LOC128462377: variants seen among roughly 807,000 people sequenced by gnomAD.
the LOC128462377 span, among the ~76,000 whole-genome samples, chr16:89,362,453 G>T: frequency 3.3e-5 from 5 of 152,198 alleles, no homozygotes; most frequent in African/African-American, 1.2e-4. Context: ...GAAGTGAACA[G>T]CACTGAAGCC....
chr16:89,402,808 G>A, the LOC128462377 span, among the ~76,000 whole-genome samples: 8 of 140,882 alleles, frequency 5.7e-5, no homozygotes, highest in South Asian at 2.5e-4. Flanking sequence ...GGGGTTCTGC[G>A]GAATGAGGTT....
chr16:89,327,430 G>C, the LOC128462377 span, among the ~76,000 whole-genome samples: 16 of 152,150 alleles, frequency 1.1e-4, no homozygotes, highest in Admixed American at 2.6e-4. Context: ...GAATAAAACT[G>C]TCTCTCTCTG....
the LOC128462377 span, among the ~76,000 whole-genome samples, chr16:89,408,359 G>A: frequency 5.9e-4 from 90 of 152,252 alleles, 2 homozygotes; most frequent in Admixed American, 5.9e-3. Flanking sequence ...AAACCACCAG[G>A]TTTGATGCAC....
chr16:89,395,346 C>T, the LOC128462377 span, among the ~76,000 whole-genome samples: 152 of 152,318 alleles, frequency 1.0e-3, 1 homozygote, highest in African/African-American at 3.5e-3. Flanking sequence ...GGAACCCTGA[C>T]GGCAAGCTGT....
the LOC128462377 span, among the ~76,000 whole-genome samples, chr16:89,349,112 A>G: frequency 1.5e-5 from 2 of 130,110 alleles, no homozygotes; most frequent in African/African-American, 5.7e-5. Flanking sequence ...TGGGGGACAG[A>G]GTAAAACACT....
At chr16:89,337,761 T>C in the LOC128462377 span, among the ~76,000 whole-genome samples, 1 of 152,190 alleles carries the variant, frequency 6.6e-6, no homozygotes, top group Non-Finnish European at 1.5e-5. Flanking sequence ...ATTCTAACCA[T>C]GCAGACAATG....
At chr16:89,350,494 C>A in the LOC128462377 span, among the ~76,000 whole-genome samples, 1 of 152,208 alleles carries the variant, frequency 6.6e-6, no homozygotes. Flanking sequence ...TACTGACATA[C>A]ACCACAGAAC....
the LOC128462377 span, among the ~76,000 whole-genome samples, chr16:89,349,348 C>T: frequency 4.0e-5 from 6 of 150,360 alleles, no homozygotes; most frequent in African/African-American, 7.4e-5. Flanking sequence ...GGCGTGGTGG[C>T]GGGCGCCTGT....
the LOC128462377 span, among the ~76,000 whole-genome samples, chr16:89,374,928 G>A: frequency 1.3e-5 from 2 of 151,904 alleles, no homozygotes; most frequent in South Asian, 2.1e-4. Context: ...CAGGAATACC[G>A]AAAAAAGTCA....
the LOC128462377 span, among the ~76,000 whole-genome samples, chr16:89,390,604 G>C: frequency 6.6e-6 from 1 of 152,092 alleles, no homozygotes. Flanking sequence ...ACATCACAGA[G>C]GTGAAAAGAA....
chr16:89,409,829 A>AATTTATTT, the LOC128462377 span, among the ~76,000 whole-genome samples: 8 of 151,396 alleles, frequency 5.3e-5, no homozygotes, highest in African/African-American at 1.2e-4. Context: ...TTTCAATCTA[A>AATTTATTT]ATTTATTTAT....
the LOC128462377 span, among the ~76,000 whole-genome samples, chr16:89,384,879 C>G: frequency 2.0e-5 from 1 of 49,910 alleles, no homozygotes; most frequent in African/African-American, 7.9e-5. Flanking sequence ...AAATAGTTTT[C>G]TTTTTTTTTT....
At chr16:89,348,495 T>C in the LOC128462377 span, among the ~76,000 whole-genome samples, 4 of 152,190 alleles carry the variant, frequency 2.6e-5, no homozygotes, top group East Asian at 1.9e-4. Context: ...CCCTCCTCTG[T>C]TGTGGAAGGG....
At chr16:89,413,453 G>A in the LOC128462377 span, among the ~76,000 whole-genome samples, 3 of 151,990 alleles carry the variant, frequency 2.0e-5, no homozygotes, top group Admixed American at 6.6e-5. Flanking sequence ...AGGAAACCCC[G>A]TCTCTACTAA....
the LOC128462377 span, among the ~76,000 whole-genome samples, chr16:89,325,623 C>T: frequency 1.4e-3 from 211 of 152,298 alleles, 1 homozygote; most frequent in African/African-American, 4.8e-3. Flanking sequence ...GGCTGCCTGG[C>T]GGATGGAATT....
the LOC128462377 span, among the ~76,000 whole-genome samples, chr16:89,343,210 C>T: frequency 2.0e-5 from 3 of 152,006 alleles, no homozygotes; most frequent in Admixed American, 6.5e-5. Flanking sequence ...AGGCTGGTCT[C>T]GAACTCCTGA....
At chr16:89,327,527 A>C in the LOC128462377 span, among the ~76,000 whole-genome samples, 1 of 152,156 alleles carries the variant, frequency 6.6e-6, no homozygotes, top group Non-Finnish European at 1.5e-5. Context: ...CAGCAAGGAC[A>C]CAGAATCCAA....
At chr16:89,403,108 T>C in the LOC128462377 span, among the ~76,000 whole-genome samples, 1 of 152,316 alleles carries the variant, frequency 6.6e-6, no homozygotes, top group African/African-American at 2.4e-5. Flanking sequence ...GGACACATCA[T>C]CAACCTCTCA....
At chr16:89,415,485 T>C in the LOC128462377 span, among the ~76,000 whole-genome samples, 3 of 147,542 alleles carry the variant, frequency 2.0e-5, no homozygotes, top group Non-Finnish European at 4.5e-5. Context: ...AGGATGGTCT[T>C]GATCTCCTGA....
Sources: gnomAD v4.1 joint callset for allele counts (sites outside exome capture counted in the v4.1 genomes callset) on GRCh38, gnomAD v4.1.1 for gene constraint, MANE v1.5 for transcripts.